PAIP2: variants seen among roughly 807,000 people sequenced by gnomAD.
The protein encoded by PAIP2 is poly(A) binding protein interacting protein 2, also known as polyadenylate-binding protein-interacting protein 2.
A neutral mutation model predicts 14.8 loss-of-function variants in PAIP2; 7 were observed. That is an observed-to-expected ratio of 0.47 (90% confidence interval 0.27 to 0.89). PAIP2 has a LOEUF of 0.89. Among genes scored for constraint, PAIP2 ranks in the 40% least tolerant of loss-of-function variants. The pLI, the probability that PAIP2 is intolerant of heterozygous loss-of-function variation, is 0.13. For synonymous variants in PAIP2, 47 were observed against 45.3 expected, an observed-to-expected ratio of 1.04 and a Z score of -0.15; for missense variants, 122 against 154.7, an observed-to-expected ratio of 0.79 and a Z score of 1.12.
intron 3 of PAIP2, 38 bp downstream of exon 3, chr5:139,364,781 A>T (rs535582694): frequency 3.7e-6 from 5 of 1,353,658 alleles, no homozygotes; most frequent in African/African-American, 1.4e-5. Flanking sequence ...AACCTAGTGC[A>T]TCTTTTGCAT....
At chr5:139,346,995 A>G (rs1756571380) in intron 1 of PAIP2, among the ~76,000 whole-genome samples, 3 of 151,960 alleles carry the variant, frequency 2.0e-5, no homozygotes, top group South Asian at 2.1e-4. Context: ...ATTACTAGAG[A>G]TGGGGTTTCA....
chr5:139,361,077 G>A (rs1466603738), intron 1 of PAIP2, among the ~76,000 whole-genome samples: 1 of 151,898 alleles, frequency 6.6e-6, no homozygotes, highest in Non-Finnish European at 1.5e-5. Context: ...CACAGTGCCC[G>A]GCCTGCCTTT....
intron 1 of PAIP2, among the ~76,000 whole-genome samples, chr5:139,355,116 G>A (rs147313079): frequency 2.8e-4 from 41 of 148,224 alleles, no homozygotes; most frequent in African/African-American, 8.7e-4. Flanking sequence ...ATGAGCCACC[G>A]CACCTGGCCC....
Position 139,363,795 on chromosome 5 carries a change from C to G in PAIP2, c.11C>G (p.Pro4Arg). 6.2e-7 allele frequency: 1 copy of G among 1,613,562 alleles called. No homozygotes were observed. Among genetic ancestry groups the G allele is most frequent in the Non-Finnish European group, 8.5e-7 (1 of 1,179,780 alleles). Residue 4 changes from proline to arginine, a missense_variant, in exon 2 of 4, where the codon CCA (proline) becomes CGA (arginine). By Grantham distance (103) the Pro-to-Arg change is moderately radical. This residue lies in a region of PAIP2 where 42 missense variants were observed against 36.7 expected (regional missense o/e 1.15). Transcript: ENST00000265192. ...CAACCAACATCAGCCATGAAAGATCCAAGTCGCAGCAGTACTAGCCCAAGC... is the reference window on the plus strand; with the variant it reads ...CAACCAACATCAGCCATGAAAGATCGAAGTCGCAGCAGTACTAGCCCAAGC... MKD[P>R]SRSSTSPSII... is the part of the protein sequence containing the mutation.
chr5:139,347,318 G>A lies in PAIP2; in HGVS notation c.-27+5338G>A, dbSNP rs182048620. Among the ~76,000 whole-genome samples, 28 of 133,788 alleles carry A rather than the reference G, an allele frequency of 2.1e-4. No homozygotes were observed. In the East Asian group the frequency reaches 5.2e-3, roughly 25 times the overall value. The allele number at this position is 133,788 out of a possible 152,430, so 87.8% of individuals were successfully genotyped here. The stretch of plus-strand genomic sequence containing the variant: ...AGACACAGTTCCGCTCTGTCGCCCA[G>A]GCTGGAGTGCAGTGGCGCGATCTTG... On this transcript the variant is annotated intron_variant, in intron 1 of 3. Coordinates refer to ENST00000265192, the MANE Select transcript of PAIP2 (RefSeq NM_016480.5).
At chr5:139,353,490 G>A (rs1356131809) in intron 1 of PAIP2, among the ~76,000 whole-genome samples, 1 of 152,060 alleles carries the variant, frequency 6.6e-6, no homozygotes, top group Non-Finnish European at 1.5e-5. Flanking sequence ...TTACCCTGGA[G>A]GTTATAATTA....
chr5:139,350,166 ACT>A (rs1756683028), intron 1 of PAIP2, among the ~76,000 whole-genome samples: 1 of 149,090 alleles, frequency 6.7e-6, no homozygotes, highest in Non-Finnish European at 1.5e-5. Context: ...CAAAGGCGAG[ACT>A]CTGTCTCAAA....
chr5:139,347,773 TAA>T (rs950513047), intron 1 of PAIP2, among the ~76,000 whole-genome samples: 1 of 141,734 alleles, frequency 7.1e-6, no homozygotes, highest in African/African-American at 2.6e-5. Flanking sequence ...GGTACATCCA[TAA>T]AAAAAAAAAA....
chr5:139,351,453 A>G (rs1450300165), intron 1 of PAIP2, among the ~76,000 whole-genome samples: 2 of 152,166 alleles, frequency 1.3e-5, no homozygotes, highest in Admixed American at 6.6e-5. Flanking sequence ...CCTGTTGACT[A>G]GGGAAGATTT....
intron 2 of PAIP2, 21 bp downstream of exon 2, chr5:139,363,943 T>C (rs372634342): frequency 1.1e-4 from 173 of 1,607,738 alleles, no homozygotes; most frequent in Non-Finnish European, 1.5e-4. Flanking sequence ...TGTACAAACA[T>C]GTTTTTATAG....
At chr5:139,367,819 C>T (rs975146881) in intron 3 of PAIP2, among the ~76,000 whole-genome samples, 7 of 152,152 alleles carry the variant, frequency 4.6e-5, no homozygotes, top group African/African-American at 7.2e-5. Context: ...TTCCTTGTTC[C>T]GTGCTATTCC....
intron 1 of PAIP2, among the ~76,000 whole-genome samples, chr5:139,354,605 A>G (rs1581305891): frequency 1.3e-5 from 2 of 151,970 alleles, no homozygotes; most frequent in South Asian, 4.2e-4. Flanking sequence ...TTTCTGAACT[A>G]TTCTCCTTTT....
chr5:139,352,701 C>A (rs113748165), intron 1 of PAIP2, among the ~76,000 whole-genome samples: 1 of 150,230 alleles, frequency 6.7e-6, no homozygotes, highest in Non-Finnish European at 1.5e-5. Context: ...AAACTCCTGA[C>A]CTCAGGTGAT....
At chr5:139,366,569 G>A (rs539207728) in intron 3 of PAIP2, among the ~76,000 whole-genome samples, 1 of 152,248 alleles carries the variant, frequency 6.6e-6, no homozygotes, top group East Asian at 1.9e-4. Context: ...GTCTGGAGGG[G>A]GGTATGATTA....
intron 1 of PAIP2, among the ~76,000 whole-genome samples, chr5:139,351,689 ACT>A (rs1303782047): frequency 6.6e-6 from 1 of 150,850 alleles, no homozygotes; most frequent in Non-Finnish European, 1.5e-5. Context: ...CATCCCTGTC[ACT>A]CTTTTTTTGA....
At chr5:139,364,931 G>A (rs1332749886) in intron 3 of PAIP2, 188 bp downstream of exon 3, 1 of 435,628 alleles carries the variant, frequency 2.3e-6, no homozygotes, top group Non-Finnish European at 4.1e-6. Context: ...GTTGACTTGA[G>A]GTCAGGAGTT....
At chr5:139,366,851 A>T (rs1024399944) in intron 3 of PAIP2, among the ~76,000 whole-genome samples, 1 of 152,158 alleles carries the variant, frequency 6.6e-6, no homozygotes, top group Non-Finnish European at 1.5e-5. Flanking sequence ...ACTTTGGCCC[A>T]GGAGTTCGAG....
rs1376506250 is a variant in PAIP2 at position 139,362,668 on chromosome 5, C to A, written c.-26-1091C>A. Among the ~76,000 whole-genome samples, 3 of 151,874 alleles carry A rather than the reference C, an allele frequency of 2.0e-5. No homozygotes were observed. In the South Asian group the frequency reaches 6.2e-4, roughly 32 times the overall value. ...CAGGTGATCCACCTGCCTCGGCCTCCCAAAGTGCTGGGATTACAGGCATGA... is the reference window on the plus strand; with the variant it reads ...CAGGTGATCCACCTGCCTCGGCCTCACAAAGTGCTGGGATTACAGGCATGA... On this transcript the variant is annotated intron_variant, in intron 1 of 3. Coordinates refer to ENST00000265192, the MANE Select transcript of PAIP2 (RefSeq NM_016480.5).
intron 1 of PAIP2, chr5:139,343,093 C>G (rs1204764109): frequency 6.6e-6 from 1 of 152,174 alleles, no homozygotes; most frequent in Non-Finnish European, 1.5e-5. Flanking sequence ...GAAATTTCTT[C>G]TGGCGTAGGT....
Sources: gnomAD v4.1 joint callset for allele counts (sites outside exome capture counted in the v4.1 genomes callset) on GRCh38, gnomAD v4.1.1 for gene constraint, gnomAD v4.1.1 regional missense constraint, MANE v1.5 for transcripts, NCBI Gene and HGNC (gene_info 2026-07-23, HGNC 2026-07-21) for gene names.